SLC36A1: variants seen among roughly 807,000 people sequenced by gnomAD.
SLC36A1 encodes the protein solute carrier family 36 member 1, also known as proton-coupled amino acid transporter 1.
Under a neutral mutation model 47.5 loss-of-function variants are expected in SLC36A1, and 30 were observed. That is an observed-to-expected ratio of 0.63 (90% CI 0.47 to 0.86). The LOEUF (loss-of-function observed/expected upper bound fraction) is 0.86, where lower values mean the gene tolerates loss of function less well. Ranked by LOEUF, SLC36A1 falls within the 40% of genes least tolerant of loss-of-function variation. SLC36A1 has a pLI of 0.00. For missense variants in SLC36A1, 517 were observed against 606.0 expected (o/e 0.85, Z 1.54); for synonymous variants, 255 against 249.7 (o/e 1.02, Z -0.20).
At chr5:151,447,445 C>A (rs1372157961), upstream of SLC36A1, among the ~76,000 whole-genome samples, 1 of 152,230 alleles carries the variant, frequency 6.6e-6, no homozygotes, top group African/African-American at 2.4e-5. Flanking sequence ...TATTCGCAGT[C>A]CCCAGCGCCC....
Position 151,480,095 on chromosome 5 carries a change from G to A in SLC36A1, c.1159+606G>A, listed in dbSNP as rs1048488940. ...AAGACAGGATACCCTTCTGTTTGCTGTGGTTGAAAACTGGTGACATTTAGA... is the reference window on the plus strand; with the variant it reads ...AAGACAGGATACCCTTCTGTTTGCTATGGTTGAAAACTGGTGACATTTAGA... On this transcript the variant is annotated intron_variant, in intron 10 of 10. Coordinates refer to ENST00000243389, the MANE Select transcript of SLC36A1 (RefSeq NM_078483.4). 5 of 1,496,708 alleles carry A rather than the reference G, an allele frequency of 3.3e-6. No homozygotes were observed. In the African/African-American group the frequency reaches 5.6e-5, roughly 17 times the overall value. The allele number at this position is 1,496,708 out of a possible 1,614,324, so 92.7% of individuals were successfully genotyped here. A position where few individuals can be genotyped will look rare whatever the true frequency, so the allele number is the denominator to read the frequency against.
chr5:151,469,145 C>G (rs1169545034), intron 7 of SLC36A1: 1 of 604,134 alleles, frequency 1.7e-6, no homozygotes, highest in Non-Finnish European at 3.0e-6. Flanking sequence ...AGTACATATT[C>G]ATTAAAATGC....
chr5:151,399,562 T>G, the SLC36A1 span, among the ~76,000 whole-genome samples: 1 of 152,166 alleles, frequency 6.6e-6, no homozygotes, highest in Non-Finnish European at 1.5e-5. Context: ...AGTGCTGACT[T>G]TTAGTAATTT....
At chr5:151,521,679 G>A in the SLC36A1 span, 8 of 1,613,882 alleles carry the variant, frequency 5.0e-6, no homozygotes, top group Non-Finnish European at 6.8e-6. Flanking sequence ...CCTCGGGGGT[G>A]AGCTGGTAGA....
the SLC36A1 span, chr5:151,538,009 C>G: frequency 6.7e-7 from 1 of 1,485,802 alleles, no homozygotes; most frequent in South Asian, 1.3e-5. Flanking sequence ...CAGAGAGAAG[C>G]AGAGTGACTG....
At chr5:151,390,977 G>GA in the SLC36A1 span, among the ~76,000 whole-genome samples, 1 of 152,164 alleles carries the variant, frequency 6.6e-6, no homozygotes, top group Non-Finnish European at 1.5e-5. Context: ...GGATGGCACT[G>GA]AATCTATAAA....
upstream of SLC36A1, among the ~76,000 whole-genome samples, chr5:151,436,866 G>A (rs1486632616): frequency 6.6e-6 from 1 of 152,046 alleles, no homozygotes; most frequent in African/African-American, 2.4e-5. Context: ...CAAACTGACG[G>A]GACCTGCTAG....
At chr5:151,478,809 G>A (rs992422513) in intron 9 of SLC36A1, among the ~76,000 whole-genome samples, 1 of 148,154 alleles carries the variant, frequency 6.7e-6, no homozygotes, top group Admixed American at 6.6e-5. Flanking sequence ...TGGGGTGAGT[G>A]TGTGTTTTTT....
the SLC36A1 span, among the ~76,000 whole-genome samples, chr5:151,403,649 T>C: frequency 2.0e-5 from 3 of 152,206 alleles, no homozygotes; most frequent in Non-Finnish European, 4.4e-5. Context: ...TATTTCTTTA[T>C]AGCAATGCAA....
At chr5:151,373,175 G>A in the SLC36A1 span, among the ~76,000 whole-genome samples, 4 of 152,184 alleles carry the variant, frequency 2.6e-5, no homozygotes, top group East Asian at 7.7e-4. Flanking sequence ...GTGTATGCCT[G>A]TAGTCCCAGC....
chr5:151,508,180 CT>C, the SLC36A1 span, among the ~76,000 whole-genome samples: 2 of 152,202 alleles, frequency 1.3e-5, no homozygotes, highest in South Asian at 4.1e-4. Context: ...GCTTTATCCA[CT>C]TTTGAGGGCT....
chr5:151,427,684 T>G, the SLC36A1 span, among the ~76,000 whole-genome samples: 1 of 152,238 alleles, frequency 6.6e-6, no homozygotes, highest in Non-Finnish European at 1.5e-5. Context: ...GTGCTGTCAC[T>G]GGGGCGAGGG....
chr5:151,502,676 A>C, the SLC36A1 span, among the ~76,000 whole-genome samples: 25,293 of 147,788 alleles, frequency 0.17, 6,194 homozygotes, highest in African/African-American at 0.47. Context: ...AATGTGGAGC[A>C]AAAGGAGTTC....
At chr5:151,438,556 T>C (rs1222729347) in intron 1 of SLC36A1, among the ~76,000 whole-genome samples, 2 of 152,220 alleles carry the variant, frequency 1.3e-5, no homozygotes, top group Non-Finnish European at 2.9e-5. Context: ...GCTTGTTCTT[T>C]TGTTGAGCTC....
At chr5:151,546,109 A>G in the SLC36A1 span, 7 of 1,614,036 alleles carry the variant, frequency 4.3e-6, no homozygotes, top group Non-Finnish European at 5.9e-6. Context: ...ACCAACAGGG[A>G]TTGATTCAGG....
At chr5:151,537,786 A>T in the SLC36A1 span, 45 of 1,607,258 alleles carry the variant, frequency 2.8e-5, no homozygotes, top group Middle Eastern at 1.0e-3. Context: ...CAGCTCAGGA[A>T]ACCCACCTGT....
chr5:151,397,641 G>A, the SLC36A1 span, among the ~76,000 whole-genome samples: 1 of 151,902 alleles, frequency 6.6e-6, no homozygotes, highest in African/African-American at 2.4e-5. Context: ...GTGCATGCCT[G>A]TAGTCCCAGC....
chr5:151,462,880 CTT>C (rs371732424), intron 2 of SLC36A1, among the ~76,000 whole-genome samples: 2 of 146,666 alleles, frequency 1.4e-5, no homozygotes, highest in Non-Finnish European at 3.0e-5. Context: ...GGATCTGAGT[CTT>C]TTTTTTTTTT....
the SLC36A1 span, among the ~76,000 whole-genome samples, chr5:151,535,685 A>T: frequency 1.3e-5 from 2 of 152,176 alleles, no homozygotes; most frequent in Non-Finnish European, 1.5e-5. Context: ...CCCCAACTTG[A>T]AGCTGGTTGG....
Sources: allele counts gnomAD v4.1 joint callset (sites outside exome capture counted in the v4.1 genomes callset), GRCh38; gene constraint gnomAD v4.1.1; transcripts MANE v1.5; gene names NCBI Gene and HGNC (gene_info 2026-07-23, HGNC 2026-07-21).